ZNF208: variants seen among roughly 807,000 people sequenced by gnomAD.
ZNF208 encodes zinc finger protein 95.
In ZNF208, 10 loss-of-function variants were observed where a neutral mutation model predicts 12.1. That is an observed-to-expected ratio of 0.83 (90% CI 0.51 to 1.40). The LOEUF is 1.40. Among genes scored for constraint, ZNF208 ranks in the 40% most tolerant of loss-of-function variants. ZNF208 has a pLI of 0.00. For synonymous variants in ZNF208, 497 were observed against 488.4 expected (o/e 1.02, Z -0.23); for missense variants, 1,652 against 1,485.0 (o/e 1.11, Z -1.85).
In ZNF208 at chr19:21,966,139, A is replaced by G. The variant is rs1285383276; in HGVS notation, c.*5052T>C. 2 of 152,108 alleles carry G rather than the reference A, an allele frequency of 1.3e-5. No individual in the cohort carries two copies. The highest frequency in any genetic ancestry group is 2.9e-5 in the Non-Finnish European group (2 of 67,996). 9.4% of individuals were successfully genotyped at this position (152,108 alleles called of 1,614,324 possible). On this transcript the variant is annotated 3_prime_UTR_variant, in exon 4 of 4. Coordinates refer to ENST00000397126, the MANE Select transcript of ZNF208 (RefSeq NM_007153.3). ...ATTATTTTTATTTTATATTTAAGGTACATGTGCAGATTTGTAAAACAGGTA... is the reference window on the plus strand; with the variant it reads ...ATTATTTTTATTTTATATTTAAGGTGCATGTGCAGATTTGTAAAACAGGTA...
At chr19:22,001,737 C>T (rs1348177986) in intron 1 of ZNF208, among the ~76,000 whole-genome samples, 8 of 150,792 alleles carry the variant, frequency 5.3e-5, no homozygotes, top group Non-Finnish European at 8.9e-5. Flanking sequence ...TAAAAACACA[C>T]AAAAAATTAG....
At position 21,972,266 on chromosome 19, in the gene ZNF208, C is replaced by A. The variant is rs1371976831; in HGVS notation, c.2768G>T (p.Gly923Val). 1 of 1,613,520 alleles carries A rather than the reference C, an allele frequency of 6.2e-7. No homozygotes were observed. The highest frequency in any genetic ancestry group is 1.3e-5 in the African/African-American group (1 of 74,838). Residue 923 changes from glycine to valine, a missense_variant, in exon 4 of 4, where the codon GGC (glycine) becomes GTC (valine). Gly to Val is a moderately radical substitution (Grantham distance 109, BLOSUM62 -3). Around this residue, in one of 3 missense-constraint regions of ZNF208, gnomAD observed 1,239 missense variants for 1,086.2 expected, o/e 1.14. Coordinates refer to ENST00000397126, the MANE Select transcript of ZNF208 (RefSeq NM_007153.3). ...GEKPYKCEEC[G>V]KAFSWLSVFS... ...GACTGACAACCAGCTGAAGGCTTTG[C>A]CACATTCTTCACATTTGTAGGGTTT...
rs897099231 is a variant in ZNF208, at chr19:21,967,769, T to C, written c.*3422A>G. 2.0e-5 allele frequency: 3 copies of C among 152,192 alleles called. No individual in the cohort carries two copies. Among genetic ancestry groups the C allele is most frequent in the African/African-American group, 7.2e-5 (3 of 41,458 alleles). The allele number at this position is 152,192 out of a possible 1,614,324, so 9.4% of individuals were successfully genotyped here. A position where few individuals can be genotyped will look rare whatever the true frequency, so the allele number is the denominator to read the frequency against. On this transcript the variant is annotated 3_prime_UTR_variant, in exon 4 of 4. Coordinates refer to ENST00000397126, the MANE Select transcript of ZNF208 (RefSeq NM_007153.3). ...AATGTATTTTAGAATAGTTTTCTTT[T>C]TCTAATTCAATAAAAATCGTCATGG...
Position 21,966,231 on chromosome 19 carries a change from A to G in ZNF208, c.*4960T>C, listed in dbSNP as rs1279807521. 3 of 152,208 alleles carry G rather than the reference A, an allele frequency of 2.0e-5. No homozygotes were observed. In the East Asian group the frequency reaches 5.8e-4, roughly 29 times the overall value. 9.4% of individuals were successfully genotyped at this position (152,208 alleles called of 1,614,324 possible). ...GCCCAAGTAGTGTACATCATACCTA[A>G]GCAGATTTTCTATGCTTGTCTCCCA... is the stretch of plus-strand genomic sequence containing the variant. On this transcript the variant is annotated 3_prime_UTR_variant, in exon 4 of 4. Coordinates refer to ENST00000397126, the MANE Select transcript of ZNF208 (RefSeq NM_007153.3).
rs202159952 is a variant in ZNF208, at chr19:21,972,572, G to A, written c.2462C>T (p.Thr821Ile). ...TCCAGCATGAATTGCCTTATGTGTA[G>A]TAAGGGTTGAGACCTTACTAAAGGT... ...GKTFSKVSTL[T>I]THKAIHAGEK... Residue 821 changes from threonine to isoleucine, a missense_variant, in exon 4 of 4, where the codon ACT becomes ATT. Transcript: ENST00000397126. 305 of 1,612,370 alleles carry A rather than the reference G, an allele frequency of 1.9e-4. No individual in the cohort carries two copies. In the East Asian group the frequency reaches 3.2e-3, roughly 17 times the overall value.
rs549794314 is a variant in ZNF208, at chr19:21,972,962, T to C, written c.2072A>G (p.Lys691Arg). Residue 691 changes from lysine to arginine, a missense_variant, in exon 4 of 4, where the codon AAA becomes AGA. By Grantham distance (26) the Lys-to-Arg change is conservative. Around this residue, in one of 3 missense-constraint regions of ZNF208, gnomAD observed 1,239 missense variants for 1,086.2 expected, o/e 1.14. Transcript: ENST00000397126. The part of the protein sequence containing the change: ...TKHKVIHTGE[K>R]PYKCEECGKA... The stretch of plus-strand genomic sequence containing the variant: ...GCCACATTCTTCACATTTGTAGGGT[T>C]TCTCTCCAGTATGAATTACCTTATG... The C allele has an allele frequency of 2.5e-4, 408 of 1,613,810 alleles. 5 individuals are homozygous for C. In the East Asian group the frequency reaches 8.1e-3, roughly 32 times the overall value.
intron 4 of ZNF208, among the ~76,000 whole-genome samples, chr19:21,946,728 A>G (rs937857152): frequency 6.6e-6 from 1 of 152,110 alleles, no homozygotes; most frequent in Non-Finnish European, 1.5e-5. Context: ...TTCTTGTCCT[A>G]AGTTTTTGTC....
intron 4 of ZNF208, among the ~76,000 whole-genome samples, chr19:21,945,305 C>A (rs1477652890): frequency 3.3e-5 from 5 of 152,190 alleles, no homozygotes; most frequent in Non-Finnish European, 5.9e-5. Flanking sequence ...CTGCACCTAA[C>A]CTTTAAAATA....
intron 3 of ZNF208, among the ~76,000 whole-genome samples, chr19:21,983,215 T>C (rs1184199912): frequency 4.0e-5 from 6 of 151,632 alleles, no homozygotes; most frequent in African/African-American, 1.2e-4. Flanking sequence ...CAGACATTTC[T>C]CAAAAAGACA....
Position 21,955,355 on chromosome 19 carries a change from C to A in ZNF208, c.305+19374G>T, listed in dbSNP as rs1020407364. ...ATCTTTGTGGCGTTCTCTGTATTTCCTGAATTTGAATGTTGGCCTGCCTTG... is the reference window on the plus strand; with the variant it reads ...ATCTTTGTGGCGTTCTCTGTATTTCATGAATTTGAATGTTGGCCTGCCTTG... On this transcript the variant is annotated intron_variant, in intron 4 of 4. Transcript: ENST00000599916. 3.9e-5 allele frequency among the ~76,000 whole-genome samples: 6 copies of A among 152,218 alleles called. No homozygotes were observed. The East Asian group carries it at 1.2e-3, about 29-fold the overall frequency.
intron 3 of ZNF208, among the ~76,000 whole-genome samples, chr19:21,976,905 A>C (rs1970441999): frequency 6.6e-6 from 1 of 152,236 alleles, no homozygotes; most frequent in Non-Finnish European, 1.5e-5. Context: ...CCTTTCTACA[A>C]GAGTCAGTTG....
Position 21,971,757 on chromosome 19 carries a change from C to G in ZNF208, c.3277G>C (p.Ala1093Pro). The G allele has an allele frequency of 6.2e-7, 1 of 1,613,892 alleles. No individual in the cohort carries two copies. Among genetic ancestry groups the G allele is most frequent in the Non-Finnish European group, 8.5e-7 (1 of 1,179,950 alleles). ...ATAAGGTTTGAGGACCAGTTGAAAG[C>G]TTTGCCACATTCTTCACATTTGTAG... The part of the protein sequence containing the change: ...EPYKCEECGK[A>P]FNWSSNLMEH... The change falls in exon 4 of 4, where the codon GCT (alanine) becomes CCT (proline). Residue 1093 changes from alanine to proline, a missense_variant. Ala to Pro is a conservative substitution (Grantham distance 27). Transcript: ENST00000397126.
chr19:21,959,307 TG>T (rs1970026216), intron 4 of ZNF208, among the ~76,000 whole-genome samples: 1 of 152,238 alleles, frequency 6.6e-6, no homozygotes, highest in South Asian at 2.1e-4. Context: ...AACCTTCTTG[TG>T]CTACCCATGT....
rs58769307 is a variant in ZNF208, at chr19:22,007,505, CAAAAAAAAAAAA to C, written c.3+3275_3+3286del. Among the ~76,000 whole-genome samples, 564 of 62,658 alleles carry C rather than the reference CAAAAAAAAAAAA, an allele frequency of 9.0e-3. 4 individuals are homozygous for C. The highest frequency in any genetic ancestry group is 0.043 in the African/African-American group (538 of 12,458). The allele number at this position is 62,658 out of a possible 152,430, so 41.1% of individuals were successfully genotyped here. A position where few individuals can be genotyped will look rare whatever the true frequency, so the allele number is the denominator to read the frequency against. On this transcript the variant is annotated intron_variant, in intron 1 of 3. Coordinates refer to ENST00000397126, the MANE Select transcript of ZNF208 (RefSeq NM_007153.3). The stretch of plus-strand genomic sequence containing the variant: ...TGGGGACAGAGCAAGACTCTGTCTC[CAAAAAAAAAAAA>C]AAAAAAAAAAAAAGTAACACCTGAA...
Position 21,960,392 on chromosome 19 carries a change from A to G in ZNF208, c.305+14337T>C, listed in dbSNP as rs562139615. ...TCTAGAAATAAAAAAAGAGATACAT[A>G]AGTAAGAAAAGGAAAAAAAGTGGAT... On this transcript the variant is annotated intron_variant, in intron 4 of 4. Transcript: ENST00000599916. 2.5e-4 allele frequency among the ~76,000 whole-genome samples: 37 copies of G among 150,396 alleles called. No individual in the cohort carries two copies. In the South Asian group the frequency reaches 7.5e-3, roughly 30 times the overall value.
At chr19:21,965,323 T>C (rs1465618330), downstream of ZNF208, among the ~76,000 whole-genome samples, 4 of 152,078 alleles carry the variant, frequency 2.6e-5, no homozygotes, top group Admixed American at 6.6e-5. Flanking sequence ...AGGCTGTGGC[T>C]GTTGAAATTA....
At chr19:21,955,158 C>T (rs1408665867) in intron 4 of ZNF208, among the ~76,000 whole-genome samples, 2 of 152,186 alleles carry the variant, frequency 1.3e-5, no homozygotes, top group East Asian at 3.9e-4. Context: ...TGAATATTGG[C>T]CCCCATTCTC....
At chr19:21,951,470 G>A (rs1338629214) in intron 4 of ZNF208, among the ~76,000 whole-genome samples, 3 of 152,082 alleles carry the variant, frequency 2.0e-5, no homozygotes, top group African/African-American at 7.2e-5. Context: ...TAAAGTGAAA[G>A]TTTTAAGCAA....
At chr19:21,983,021 A>G (rs569068317) in intron 3 of ZNF208, among the ~76,000 whole-genome samples, 59 of 152,310 alleles carry the variant, frequency 3.9e-4, no homozygotes, top group African/African-American at 1.4e-3. Context: ...AATGAAACCT[A>G]ATTAAACTAA....
Sources: gnomAD v4.1 joint callset for allele counts (sites outside exome capture counted in the v4.1 genomes callset) on GRCh38, gnomAD v4.1.1 for gene constraint, gnomAD v4.1.1 regional missense constraint, MANE v1.5 for transcripts, NCBI Gene and HGNC (gene_info 2026-07-23, HGNC 2026-07-21) for gene names.